WDFY4: variants seen among roughly 807,000 people sequenced by gnomAD.
WDFY4 encodes the protein WD repeat- and FYVE domain-containing protein 4.
In WDFY4, 169 loss-of-function variants were observed where a neutral mutation model predicts 351.9. That is an observed-to-expected ratio of 0.48 (90% CI 0.42 to 0.55). The LOEUF (loss-of-function observed/expected upper bound fraction) is 0.55. Ranked by LOEUF, WDFY4 falls within the 20% of genes least tolerant of loss-of-function variation. WDFY4 has a pLI of 0.00. For missense variants in WDFY4, 3,803 were observed against 3,935.6 expected (o/e 0.97, Z 0.90); for synonymous variants, 1,622 against 1,574.6 (o/e 1.03, Z -0.71).
At chr10:48,812,181 TTTTTTTTTG>T (rs1235264983) in intron 30 of WDFY4, among the ~76,000 whole-genome samples, 8 of 131,868 alleles carry the variant, frequency 6.1e-5, no homozygotes, top group Admixed American at 2.1e-4. Flanking sequence ...TTTCTTTTCT[TTTTTTTTTG>T]TTTTTTTTGT....
chr10:48,950,597 G>T (rs1014787946), intron 51 of WDFY4, among the ~76,000 whole-genome samples: 3 of 152,202 alleles, frequency 2.0e-5, no homozygotes, highest in African/African-American at 7.2e-5. Context: ...AGGGAGATGA[G>T]ATGGGTTCTA....
chr10:48,969,884 C>T (rs750295104), intron 56 of WDFY4, among the ~76,000 whole-genome samples: 2 of 152,212 alleles, frequency 1.3e-5, no homozygotes, highest in Non-Finnish European at 2.9e-5. Flanking sequence ...AGCTAAGCCA[C>T]CCCGTGCTGG....
intron 46 of WDFY4, 81 bp from the exon 47 acceptor site, chr10:48,901,720 G>C: frequency 1.4e-6 from 2 of 1,457,762 alleles, no homozygotes; most frequent in Non-Finnish European, 1.9e-6. Flanking sequence ...CTAGCTTCCT[G>C]CCTGACTCCG....
At position 48,814,025 on chromosome 10, in the gene WDFY4, G is replaced by A; in HGVS notation, c.5283G>A (p.Gly1761=). The change falls in exon 31 of 62, where the codon GGG becomes GGA. Residue 1761 remains glycine, a synonymous_variant. Transcript: ENST00000325239. The stretch of plus-strand genomic sequence containing the variant: ...ACCAGGAAGAAGTCCTCCAGGCTGG[G>A]CTGTGCACAGAAGGTGCCTTGCTCC... ...RHHQEEVLQA[G]LCTEGALLLL... The A allele has an allele frequency of 1.9e-6, 3 of 1,550,788 alleles. No homozygotes were observed. The highest frequency in any genetic ancestry group is 2.6e-6 in the Non-Finnish European group (3 of 1,146,460).
At chr10:48,731,619 C>A (rs2132340275) in intron 9 of WDFY4, 57 bp downstream of exon 9, 3 of 1,489,026 alleles carry the variant, frequency 2.0e-6, no homozygotes, top group Non-Finnish European at 2.7e-6. Flanking sequence ...CAGGCCTGAC[C>A]TTTGGGCCAA....
intron 26 of WDFY4, among the ~76,000 whole-genome samples, chr10:48,805,655 C>A (rs554637816): frequency 1.1e-4 from 16 of 152,318 alleles, no homozygotes; most frequent in Non-Finnish European, 1.9e-4. Flanking sequence ...CAGGCTCCCC[C>A]ACTGTGGCCA....
intron 25 of WDFY4, among the ~76,000 whole-genome samples, chr10:48,804,323 C>G (rs1026276533): frequency 1.3e-5 from 2 of 152,122 alleles, no homozygotes; most frequent in African/African-American, 4.8e-5. Context: ...GCACCCTGTA[C>G]TTAGAGGTAA....
At chr10:48,914,343 G>T in intron 47 of WDFY4, 1 of 651,966 alleles carries the variant, frequency 1.5e-6, no homozygotes, top group South Asian at 2.2e-5. Flanking sequence ...AGAGGATTGC[G>T]GAGAGAAGTC....
chr10:48,982,306 C>T (rs1156901047), intron 61 of WDFY4, among the ~76,000 whole-genome samples: 1 of 151,794 alleles, frequency 6.6e-6, no homozygotes, highest in East Asian at 1.9e-4. Context: ...GAGCCACCAC[C>T]CTCACAGCTC....
chr10:48,692,891 C>T (rs971062854), intron 1 of WDFY4, among the ~76,000 whole-genome samples: 4 of 152,168 alleles, frequency 2.6e-5, no homozygotes, highest in African/African-American at 9.7e-5. Flanking sequence ...GTGATGGCTG[C>T]CTTCTAATGG....
Position 48,760,330 on chromosome 10 carries a change from T to C in WDFY4, c.2460-17T>C. ...GGAAGGTCCGTGTCTCATGTCTGGC[T>C]CTCCCTCTCTCTGCAGGATGGATGA... On this transcript the variant is annotated splice_polypyrimidine_tract_variant and intron_variant, in intron 12 of 61. Transcript: ENST00000325239. 1 of 1,550,832 alleles carries C rather than the reference T, an allele frequency of 6.4e-7. No individual in the cohort carries two copies. Among genetic ancestry groups the C allele is most frequent in the Non-Finnish European group, 8.7e-7 (1 of 1,146,448 alleles).
chr10:48,953,732 A>C (rs924153141), intron 51 of WDFY4, among the ~76,000 whole-genome samples: 1 of 152,246 alleles, frequency 6.6e-6, no homozygotes, highest in African/African-American at 2.4e-5. Flanking sequence ...AGGAAGGAAG[A>C]ATAGACTTTC....
At chr10:48,764,260 C>A (rs1033393426) in intron 13 of WDFY4, among the ~76,000 whole-genome samples, 6 of 152,194 alleles carry the variant, frequency 3.9e-5, no homozygotes, top group African/African-American at 1.4e-4. Context: ...GTGGTCCTTT[C>A]GTTCCAGAGG....
intron 27 of WDFY4, among the ~76,000 whole-genome samples, chr10:48,806,896 G>C (rs2067274942): frequency 6.6e-6 from 1 of 152,184 alleles, no homozygotes; most frequent in Non-Finnish European, 1.5e-5. Context: ...GCTACCTGAG[G>C]CTAGCGGCTA....
At chr10:48,947,385 AC>A (rs1841102452) in intron 51 of WDFY4, among the ~76,000 whole-genome samples, 1 of 152,260 alleles carries the variant, frequency 6.6e-6, no homozygotes, top group Non-Finnish European at 1.5e-5. Flanking sequence ...ATAAATCTGT[AC>A]CAAGAACAAA....
chr10:48,730,969 C>T (rs1478371241), intron 8 of WDFY4, 141 bp from the exon 9 acceptor site: 14 of 1,002,912 alleles, frequency 1.4e-5, no homozygotes, highest in Non-Finnish European at 2.0e-5. Context: ...GCTGGCTTTT[C>T]TGGACTTCTG....
rs1361644011 is a variant in WDFY4, at chr10:48,910,019, T to C, written c.7586+8156T>C. ...TTCTATATACATTTTAAAAACCACA[T>C]CAAATATTTCCCAAAGTCATTTTCA... is the stretch of plus-strand genomic sequence containing the variant. On this transcript the variant is annotated intron_variant, in intron 47 of 61. Coordinates refer to ENST00000325239, the MANE Select transcript of WDFY4 (RefSeq NM_001394531.1). The C allele has an allele frequency of 1.4e-5, 8 of 558,558 alleles. No individual in the cohort carries two copies. In the East Asian group the frequency reaches 2.3e-4, roughly 16 times the overall value. 34.6% of individuals were successfully genotyped at this position (558,558 alleles called of 1,614,324 possible).
At chr10:48,787,070 A>G (rs771341629) in intron 20 of WDFY4, among the ~76,000 whole-genome samples, 200 bp downstream of exon 20, 1 of 152,250 alleles carries the variant, frequency 6.6e-6, no homozygotes, top group Non-Finnish European at 1.5e-5. Flanking sequence ...TTTAGATTTC[A>G]ACTCCAAAGC....
intron 1 of WDFY4, among the ~76,000 whole-genome samples, chr10:48,700,824 TC>T (rs1455380293): frequency 3.9e-5 from 6 of 152,364 alleles, no homozygotes; most frequent in Admixed American, 3.9e-4. Context: ...TTTATCGTGG[TC>T]ATTAAACTGG....
Sources: allele counts gnomAD v4.1 joint callset (sites outside exome capture counted in the v4.1 genomes callset), GRCh38; gene constraint gnomAD v4.1.1; transcripts MANE v1.5; gene names NCBI Gene and HGNC (gene_info 2026-07-23, HGNC 2026-07-21).